COL22A1: variants seen among roughly 807,000 people sequenced by gnomAD.
COL22A1 encodes the protein collagen type XXII alpha 1 chain.
Under a neutral mutation model 248.9 loss-of-function variants are expected in COL22A1, and 221 were observed. That is an observed-to-expected ratio of 0.89 (90% CI 0.80 to 0.99). The LOEUF (loss-of-function observed/expected upper bound fraction) is 0.99, where lower values mean the gene tolerates loss of function less well. Ranked by LOEUF, COL22A1 falls within the 50% of genes least tolerant of loss-of-function variation. The pLI, the probability that COL22A1 is intolerant of heterozygous loss-of-function variation, is 0.00. For synonymous variants in COL22A1, 891 were observed against 793.4 expected (o/e 1.12, Z -2.07); for missense variants, 2,240 against 2,179.0 (o/e 1.03, Z -0.56).
intron 23 of COL22A1, among the ~76,000 whole-genome samples, chr8:138,736,836 G>A (rs927014350): frequency 6.6e-6 from 1 of 152,308 alleles, no homozygotes; most frequent in Non-Finnish European, 1.5e-5. Context: ...TCATTTTACA[G>A]ATGGGGAAAC....
intron 41 of COL22A1, among the ~76,000 whole-genome samples, chr8:138,674,554 G>A (rs948736876): frequency 6.6e-5 from 10 of 152,228 alleles, no homozygotes; most frequent in Admixed American, 2.0e-4. Flanking sequence ...ACTAGAGCCA[G>A]CCAATTACTT....
At position 138,839,728 on chromosome 8, in the gene COL22A1, GGA is replaced by G. The variant is rs540868489; in HGVS notation, c.733+4354_733+4355del. Among the ~76,000 whole-genome samples, 21 of 152,264 alleles carry G rather than the reference GGA, an allele frequency of 1.4e-4. No individual in the cohort carries two copies. The South Asian group carries it at 4.4e-3, about 32-fold the overall frequency. ...ATTATCTGGATGGGGGGCCCAAGTGGGAAGAGAGAGACATCCAGGATGTCTGT... is the reference window on the plus strand; with the variant it reads ...ATTATCTGGATGGGGGGCCCAAGTGGAGAGAGAGACATCCAGGATGTCTGT... On this transcript the variant is annotated intron_variant, in intron 4 of 64. Transcript: ENST00000303045.
At chr8:138,841,392 G>C (rs1563832525) in intron 4 of COL22A1, among the ~76,000 whole-genome samples, 2 of 152,190 alleles carry the variant, frequency 1.3e-5, no homozygotes, top group Non-Finnish European at 2.9e-5. Context: ...AATGTTAAAA[G>C]AGCAACTAAT....
At chr8:138,715,628 G>T in intron 30 of COL22A1, 54 bp downstream of exon 30, 8 of 1,088,842 alleles carry the variant, frequency 7.3e-6, no homozygotes, top group African/African-American at 1.7e-5. Flanking sequence ...TCTTCCTTTA[G>T]AAAAACCCAA....
intron 58 of COL22A1, 112 bp downstream of exon 58, chr8:138,606,269 A>G (rs1818409057): frequency 1.0e-6 from 1 of 991,632 alleles, no homozygotes; most frequent in Non-Finnish European, 1.5e-6. Flanking sequence ...ACAGGTCATC[A>G]TGGCCTGAGC....
chr8:138,840,557 A>ACACACGCG (rs1354847855), intron 4 of COL22A1, among the ~76,000 whole-genome samples: 14 of 150,786 alleles, frequency 9.3e-5, no homozygotes, highest in African/African-American at 3.4e-4. Flanking sequence ...ACACACACAC[A>ACACACGCG]CGCGCTCCTG....
chr8:138,593,941 G>T, intron 63 of COL22A1, 76 bp downstream of exon 63: 1 of 1,177,264 alleles, frequency 8.5e-7, no homozygotes, highest in Non-Finnish European at 1.2e-6. Context: ...AATGCATGCA[G>T]TGCCACCTCC....
chr8:138,791,014 C>T (rs1413684360), intron 12 of COL22A1, among the ~76,000 whole-genome samples: 1 of 152,164 alleles, frequency 6.6e-6, no homozygotes, highest in Non-Finnish European at 1.5e-5. Flanking sequence ...CTATTTTGTC[C>T]TCCTATATCC....
chr8:138,674,740 C>T (rs1825370346), intron 41 of COL22A1, among the ~76,000 whole-genome samples: 1 of 152,070 alleles, frequency 6.6e-6, no homozygotes, highest in Admixed American at 6.5e-5. Flanking sequence ...GATGGGGGTG[C>T]CTCATTCAGG....
intron 62 of COL22A1, among the ~76,000 whole-genome samples, 193 bp from the exon 63 acceptor site, chr8:138,594,392 G>A (rs749715113): frequency 1.5e-4 from 23 of 151,988 alleles, no homozygotes; most frequent in Non-Finnish European, 2.8e-4. Context: ...TCAATGACAC[G>A]TCACATGACA....
chr8:138,747,551 C>A (rs1832223923), intron 22 of COL22A1, among the ~76,000 whole-genome samples: 3 of 152,170 alleles, frequency 2.0e-5, no homozygotes, highest in Non-Finnish European at 4.4e-5. Flanking sequence ...GCCTGTCAGG[C>A]TCTTCCCCAG....
At chr8:138,826,384 T>C (rs1033881614) in intron 6 of COL22A1, among the ~76,000 whole-genome samples, 1 of 152,188 alleles carries the variant, frequency 6.6e-6, no homozygotes, top group African/African-American at 2.4e-5. Flanking sequence ...GTCCATGTCC[T>C]TGGCTAGACC....
In COL22A1 at chr8:138,809,753, C is replaced by T. The variant is rs557106898; in HGVS notation, c.1450-1941G>A. On this transcript the variant is annotated intron_variant, in intron 9 of 64. Transcript: ENST00000303045. ...CAGGCTGGTCTCAAACTCCTGATCTCGTGATCTGCCTGCCTCGGCCTCCCA... is the reference window on the plus strand; with the variant it reads ...CAGGCTGGTCTCAAACTCCTGATCTTGTGATCTGCCTGCCTCGGCCTCCCA... 2.0e-5 allele frequency among the ~76,000 whole-genome samples: 3 copies of T among 152,066 alleles called. No homozygotes were observed. The East Asian group carries it at 5.8e-4, about 30-fold the overall frequency.
intron 55 of COL22A1, 116 bp from the exon 56 acceptor site, chr8:138,614,036 G>A (rs921271033): frequency 1.1e-4 from 84 of 789,622 alleles, no homozygotes; most frequent in East Asian, 9.8e-5. Context: ...CCAACAAATT[G>A]TCCAGCATGT....
At chr8:138,715,361 G>T (rs1829345768) in intron 30 of COL22A1, among the ~76,000 whole-genome samples, 1 of 151,952 alleles carries the variant, frequency 6.6e-6, no homozygotes, top group Admixed American at 6.6e-5. Flanking sequence ...AGTTGCACAG[G>T]AGTTCAAGAC....
intron 42 of COL22A1, among the ~76,000 whole-genome samples, chr8:138,662,382 T>C (rs1824042716): frequency 6.6e-6 from 1 of 152,114 alleles, no homozygotes; most frequent in Non-Finnish European, 1.5e-5. Flanking sequence ...TGTGGTGAGA[T>C]GGGCCTGAGC....
intron 1 of COL22A1, among the ~76,000 whole-genome samples, chr8:138,902,926 T>A (rs537594881): frequency 1.8e-4 from 27 of 152,062 alleles, no homozygotes; most frequent in Admixed American, 1.6e-3. Flanking sequence ...ATGAAACGTT[T>A]TCATGGTCGT....
At chr8:138,807,867 C>T (rs1057058540) in intron 9 of COL22A1, 55 bp from the exon 10 acceptor site, 5 of 1,566,062 alleles carry the variant, frequency 3.2e-6, no homozygotes, top group African/African-American at 2.7e-5. Context: ...TTCCCTTTCT[C>T]TCAACACTGG....
At chr8:138,899,495 G>A (rs576430596) in intron 1 of COL22A1, among the ~76,000 whole-genome samples, 14 of 152,152 alleles carry the variant, frequency 9.2e-5, no homozygotes, top group South Asian at 2.1e-4. Context: ...TTGAACTTGC[G>A]TGCATTAATA....
Sources: gnomAD v4.1 joint callset for allele counts (sites outside exome capture counted in the v4.1 genomes callset) on GRCh38, gnomAD v4.1.1 for gene constraint, MANE v1.5 for transcripts, NCBI Gene and HGNC (gene_info 2026-07-23, HGNC 2026-07-21) for gene names.